CNTFR: variants seen among roughly 807,000 people sequenced by gnomAD.
CNTFR encodes the protein ciliary neurotrophic factor receptor.
Under a neutral mutation model 40.4 loss-of-function variants are expected in CNTFR, and 12 were observed. That is an observed-to-expected ratio of 0.30 (90% CI 0.19 to 0.48). The LOEUF (loss-of-function observed/expected upper bound fraction) is 0.48. Ranked by LOEUF, CNTFR falls within the 20% of genes least tolerant of loss-of-function variation. The pLI is 0.99. For synonymous variants in CNTFR, 202 were observed against 209.6 expected, an observed-to-expected ratio of 0.96 and a Z score of 0.31; for missense variants, 414 against 506.8, an observed-to-expected ratio of 0.82 and a Z score of 1.76.
In CNTFR at chr9:34,557,509, C is replaced by A. The variant is rs765334248; in HGVS notation, c.604+17G>T. On this transcript the variant is annotated intron_variant, in intron 6 of 9. Transcript: ENST00000378980. The surrounding 1 kb of genome is among the most constrained non-coding windows in gnomAD (Gnocchi z 4.2). ...CCACTGGAGTAGGCAGCAGGTCCCC[C>A]CAACCGCCACACGTACCAATGGTGA... 17 of 1,608,360 alleles carry A rather than the reference C, an allele frequency of 1.1e-5. No individual in the cohort carries two copies. Among genetic ancestry groups the A allele is most frequent in the Non-Finnish European group, 1.4e-5 (16 of 1,175,294 alleles).
rs554720260 is a variant in CNTFR, at chr9:34,551,702, C to A, written c.*369G>T. ...TATAATCTGATGGTGGCAACAGAGA[C>A]CCTGGGATAGACAGGAGGCTGGGGC... On this transcript the variant is annotated 3_prime_UTR_variant, in exon 10 of 10. Transcript: ENST00000378980. 4.0e-4 allele frequency: 178 copies of A among 446,806 alleles called. No homozygotes were observed. The highest frequency in any genetic ancestry group is 6.5e-4 in the Non-Finnish European group (157 of 242,020). 27.7% of individuals were successfully genotyped at this position (446,806 alleles called of 1,614,324 possible).
intron 4 of CNTFR, among the ~76,000 whole-genome samples, chr9:34,559,078 T>TCCTGTGCCTCCCC (rs1339322751): frequency 6.6e-6 from 1 of 151,976 alleles, no homozygotes; most frequent in Non-Finnish European, 1.5e-5. Context: ...GACACCTCCC[T>TCCTGTGCCTCCCC]CCTGTGCCTC....
chr9:34,573,608 C>G lies in CNTFR; in HGVS notation c.1-4627G>C, dbSNP rs73645428. Among the ~76,000 whole-genome samples the G allele has an allele frequency of 3.1e-3, 475 of 152,294 alleles. 1 individual carries two copies. The highest frequency in any genetic ancestry group is 0.01 in the Middle Eastern group (3 of 294). On this transcript the variant is annotated intron_variant, in intron 2 of 9. Coordinates refer to ENST00000378980, the MANE Select transcript of CNTFR (RefSeq NM_147164.3). ...AGAACATCCATCTGATGAAGGGCAT[C>G]CGGCCCAGCACAGAGCGGAGGGGAC...
chr9:34,564,643 C>A lies in CNTFR; in HGVS notation c.275G>T (p.Arg92Leu). 1.2e-6 allele frequency: 2 copies of A among 1,613,182 alleles called. No individual in the cohort carries two copies. The highest frequency in any genetic ancestry group is 1.7e-6 in the Non-Finnish European group (2 of 1,179,672). The change falls in exon 4 of 10, where the codon CGT becomes CTT. Residue 92 changes from arginine to leucine, a missense_variant. Physicochemically the swap from Arg to Leu is moderately radical, Grantham distance 102 (BLOSUM62 -2). Transcript: ENST00000378980. ...TTGGTGGCGCAGGTGCCAGGAGTCA[C>A]GGTGGAAGCAGGCGTAGAGGCCACT... is the stretch of plus-strand genomic sequence containing the variant. The part of the protein sequence containing the change: ...GHSGLYACFH[R>L]DSWHLRHQVL...
chr9:34,558,510 T>C (rs746559348), intron 4 of CNTFR, among the ~76,000 whole-genome samples: 1 of 152,176 alleles, frequency 6.6e-6, no homozygotes, highest in Non-Finnish European at 1.5e-5. Context: ...GGGCAGCTGT[T>C]TGTATGCGTA....
chr9:34,567,446 G>A (rs533610490), intron 3 of CNTFR, among the ~76,000 whole-genome samples: 1 of 152,234 alleles, frequency 6.6e-6, no homozygotes, highest in East Asian at 1.9e-4. Flanking sequence ...TAAAGAAGAA[G>A]GACATGCAGG....
intron 2 of CNTFR, among the ~76,000 whole-genome samples, chr9:34,573,574 G>A (rs2132211798): frequency 6.6e-6 from 1 of 152,270 alleles, no homozygotes; most frequent in African/African-American, 2.4e-5. Context: ...CAGGCGTCAG[G>A]GTGGGTTCAG....
chr9:34,561,697 A>G (rs961316670), intron 4 of CNTFR, among the ~76,000 whole-genome samples: 2 of 152,220 alleles, frequency 1.3e-5, no homozygotes, highest in African/African-American at 2.4e-5. Context: ...GGTTTGAATG[A>G]CCCACAAATC....
intron 3 of CNTFR, among the ~76,000 whole-genome samples, 176 bp downstream of exon 3, chr9:34,568,721 T>C (rs1240393264): frequency 1.3e-5 from 2 of 152,036 alleles, no homozygotes; most frequent in Non-Finnish European, 2.9e-5. Flanking sequence ...ACCACCCTAG[T>C]GTGAGTGTGG....
At chr9:34,574,154 C>G (rs963749468) in intron 2 of CNTFR, among the ~76,000 whole-genome samples, 1 of 151,942 alleles carries the variant, frequency 6.6e-6, no homozygotes, top group Non-Finnish European at 1.5e-5. Flanking sequence ...GGGACCAGGC[C>G]GAGGAGGGAG....
rs972757414 is a variant in CNTFR, at chr9:34,572,776, G to A, written c.1-3795C>T. On this transcript the variant is annotated intron_variant, in intron 2 of 9. Transcript: ENST00000378980. ...ACACAGGGATGTTGACAGTCACCAC[G>A]ATGACAATAATGCAGTGAGTGACAG... Among the ~76,000 whole-genome samples, 5 of 152,300 alleles carry A rather than the reference G, an allele frequency of 3.3e-5. No individual in the cohort carries two copies. In the South Asian group the frequency reaches 8.3e-4, roughly 25 times the overall value.
intron 7 of CNTFR, among the ~76,000 whole-genome samples, chr9:34,555,935 G>GCCATCTCCCTCCCTCA (rs1564057603): frequency 1.5e-4 from 3 of 20,046 alleles, no homozygotes; most frequent in Admixed American, 6.0e-4. Context: ...TCCCTCCCCC[G>GCCATCTCCCTCCCTCA]CCATCTCCCT....
At chr9:34,576,823 G>A (rs935990548) in intron 2 of CNTFR, among the ~76,000 whole-genome samples, 6 of 152,228 alleles carry the variant, frequency 3.9e-5, no homozygotes, top group South Asian at 2.1e-4. Flanking sequence ...GATGCGGATC[G>A]GCAGCAGCTC....
intron 3 of CNTFR, among the ~76,000 whole-genome samples, chr9:34,568,544 GC>G: frequency 6.6e-6 from 1 of 152,072 alleles, no homozygotes; most frequent in Non-Finnish European, 1.5e-5. Context: ...TCCAATCGGT[GC>G]CTCCAACTGC....
intron 2 of CNTFR, among the ~76,000 whole-genome samples, chr9:34,572,340 A>C (rs1826703447): frequency 6.6e-6 from 1 of 152,092 alleles, no homozygotes; most frequent in African/African-American, 2.4e-5. Flanking sequence ...TCCCAGGGCA[A>C]AGAGCATCTT....
chr9:34,556,181 T>C, intron 7 of CNTFR, 74 bp downstream of exon 7: 1 of 1,484,542 alleles, frequency 6.7e-7, no homozygotes, highest in African/African-American at 1.4e-5. Context: ...TGCTGCCACG[T>C]GGGATATGGG....
intron 1 of CNTFR, among the ~76,000 whole-genome samples, chr9:34,588,726 G>C (rs773978229): frequency 9.9e-5 from 15 of 152,232 alleles, no homozygotes; most frequent in Non-Finnish European, 1.9e-4. Flanking sequence ...GAGCAAGCGA[G>C]CGAGCTAACG....
At chr9:34,576,817 C>T (rs534962469) in intron 2 of CNTFR, among the ~76,000 whole-genome samples, 6 of 152,338 alleles carry the variant, frequency 3.9e-5, no homozygotes, top group African/African-American at 1.2e-4. Flanking sequence ...CCCCACGATG[C>T]GGATCGGCAG....
chr9:34,568,876 G>A (rs1320916488), intron 3 of CNTFR, 21 bp downstream of exon 3: 13 of 1,564,756 alleles, frequency 8.3e-6, no homozygotes, highest in African/African-American at 1.4e-5. Flanking sequence ...GGGTCAGCAG[G>A]CGGCTCCCGT....
Sources: gnomAD v4.1 joint callset for allele counts (sites outside exome capture counted in the v4.1 genomes callset) on GRCh38, gnomAD v4.1.1 for gene constraint, Gnocchi (gnomAD v3.1) non-coding constraint, MANE v1.5 for transcripts, NCBI Gene and HGNC (gene_info 2026-07-23, HGNC 2026-07-21) for gene names.